TRPC7: variants seen among roughly 807,000 people sequenced by gnomAD.
TRPC7 encodes transient receptor potential cation channel subfamily C member 7.
TRPC7 carries 42 observed loss-of-function variants against 90.1 expected under a neutral mutation model. The ratio of observed to expected loss-of-function variants is 0.47; its 90% CI spans 0.36 to 0.60. TRPC7 has a LOEUF of 0.60. TRPC7 is among the 20% of genes least tolerant of loss of function. The pLI is 0.00. For synonymous variants in TRPC7, 451 were observed against 436.3 expected, an observed-to-expected ratio of 1.03 and a Z score of -0.42; for missense variants, 955 against 1,112.3, an observed-to-expected ratio of 0.86 and a Z score of 2.01.
chr5:136,323,554 G>A lies in TRPC7; in HGVS notation c.781-7775C>T, dbSNP rs1168629997. The stretch of plus-strand genomic sequence containing the variant: ...GGTTGAGGTATCTTTTATTGCACAT[G>A]GATGTTCATTTGTTCCAGCCCCATT... On this transcript the variant is annotated intron_variant, in intron 2 of 11. Transcript: ENST00000513104. Among the ~76,000 whole-genome samples the A allele has an allele frequency of 2.0e-5, 3 of 151,754 alleles. No homozygotes were observed. The East Asian group carries it at 5.8e-4, about 30-fold the overall frequency.
Position 136,295,463 on chromosome 5 carries a change from T to C in TRPC7, c.963+20134A>G, listed in dbSNP as rs1424111668. On this transcript the variant is annotated intron_variant, in intron 3 of 11. Coordinates refer to ENST00000513104, the MANE Select transcript of TRPC7 (RefSeq NM_020389.3). ...CCAGTTCATTGGTCCTTCCCTATCT[T>C]GGGAATTCTGGCTGCCTGCTAGGCA... 5.3e-5 allele frequency among the ~76,000 whole-genome samples: 8 copies of C among 152,278 alleles called. No individual in the cohort carries two copies. In the South Asian group the frequency reaches 8.3e-4, roughly 16 times the overall value.
intron 3 of TRPC7, among the ~76,000 whole-genome samples, chr5:136,284,520 C>T (rs1757648960): frequency 6.6e-6 from 1 of 152,178 alleles, no homozygotes; most frequent in Admixed American, 6.5e-5. Context: ...TCTATGCATC[C>T]ATTCATTCAA....
chr5:136,331,457 G>A (rs1364970120), intron 2 of TRPC7, among the ~76,000 whole-genome samples: 1 of 152,254 alleles, frequency 6.6e-6, no homozygotes, highest in East Asian at 1.9e-4. Context: ...AGAGGAACAC[G>A]TAGATGATAA....
intron 5 of TRPC7, among the ~76,000 whole-genome samples, chr5:136,252,277 C>G (rs191261442): frequency 1.3e-5 from 2 of 152,146 alleles, no homozygotes; most frequent in African/African-American, 4.8e-5. Context: ...AAGGTCCCCC[C>G]ACTCCATGCC....
At chr5:136,302,895 C>T (rs970916616) in intron 3 of TRPC7, among the ~76,000 whole-genome samples, 1 of 152,076 alleles carries the variant, frequency 6.6e-6, no homozygotes, top group African/African-American at 2.4e-5. Flanking sequence ...CCACATGTCC[C>T]CTCAGTCCCA....
chr5:136,216,951 T>TAC (rs1387951105), intron 10 of TRPC7, among the ~76,000 whole-genome samples: 1 of 152,158 alleles, frequency 6.6e-6, no homozygotes, highest in Non-Finnish European at 1.5e-5. Flanking sequence ...ATTATGAAGA[T>TAC]ACTGAATTCG....
chr5:136,247,632 G>A lies in TRPC7; in HGVS notation c.1683C>T (p.Ala561=). The A allele has an allele frequency of 6.2e-7, 1 of 1,613,986 alleles. No individual in the cohort carries two copies. The highest frequency in any genetic ancestry group is 1.3e-5 in the African/African-American group (1 of 75,036). ...SFSRIAYILP[A]NESFGPLQIS... ...TCTGCAGGGGCCCAAAACTCTCGTTGGCTGGCAGAATGTATGCAATGCGAG... is the reference window on the plus strand; with the variant it reads ...TCTGCAGGGGCCCAAAACTCTCGTTAGCTGGCAGAATGTATGCAATGCGAG... The change falls in exon 7 of 12, where the codon GCC becomes GCT. Residue 561 remains alanine, a synonymous_variant. Coordinates refer to ENST00000513104, the MANE Select transcript of TRPC7 (RefSeq NM_020389.3). This position sits in a 1 kb window ranked among gnomAD's most constrained non-coding sequence, Gnocchi z 4.2.
chr5:136,328,397 C>G (rs1273576436), intron 2 of TRPC7, among the ~76,000 whole-genome samples: 1 of 152,192 alleles, frequency 6.6e-6, no homozygotes, highest in East Asian at 1.9e-4. Context: ...AAACATACTC[C>G]CTGCTTTTCC....
At position 136,242,980 on chromosome 5, in the gene TRPC7, G is replaced by A. The variant is rs892902968; in HGVS notation, c.1844+4491C>T. On this transcript the variant is annotated intron_variant, in intron 7 of 11. Coordinates refer to ENST00000513104, the MANE Select transcript of TRPC7 (RefSeq NM_020389.3). ...TCTTCATTGAGGTCTGCCAGATGGAGAAAATGAGAATCTGGGAGTGGCCGG... is the reference window on the plus strand; with the variant it reads ...TCTTCATTGAGGTCTGCCAGATGGAAAAAATGAGAATCTGGGAGTGGCCGG... Among the ~76,000 whole-genome samples, 18 of 152,194 alleles carry A rather than the reference G, an allele frequency of 1.2e-4. 2 individuals are homozygous for A. Among genetic ancestry groups the A allele is most frequent in the Admixed American group, 1.0e-3 (16 of 15,280 alleles).
intron 2 of TRPC7, among the ~76,000 whole-genome samples, chr5:136,331,752 G>A (rs1348515667): frequency 6.6e-6 from 1 of 152,088 alleles, no homozygotes; most frequent in Non-Finnish European, 1.5e-5. Flanking sequence ...GAGTGAGCTG[G>A]GTTATTGCTC....
chr5:136,322,738 G>A (rs1759236907), intron 2 of TRPC7, among the ~76,000 whole-genome samples: 1 of 152,108 alleles, frequency 6.6e-6, no homozygotes, highest in African/African-American at 2.4e-5. Flanking sequence ...GGCTAATAAT[G>A]CTCCACATCT....
chr5:136,347,490 A>G (rs913203486), intron 2 of TRPC7, among the ~76,000 whole-genome samples: 1 of 152,246 alleles, frequency 6.6e-6, no homozygotes, highest in Non-Finnish European at 1.5e-5. Context: ...CTGTACCTTA[A>G]TGAAAAATTT....
intron 10 of TRPC7, among the ~76,000 whole-genome samples, chr5:136,217,008 G>C (rs966975529): frequency 1.3e-5 from 2 of 152,234 alleles, no homozygotes; most frequent in African/African-American, 4.8e-5. Context: ...ACCAAGAATA[G>C]AGCCAAGTGT....
At chr5:136,216,578 G>C (rs1251000699) in intron 10 of TRPC7, among the ~76,000 whole-genome samples, 1 of 95,464 alleles carries the variant, frequency 1.0e-5, no homozygotes, top group Non-Finnish European at 2.2e-5. Flanking sequence ...GTGGGCAGTG[G>C]CACAAATCTC....
intron 4 of TRPC7, 111 bp from the exon 5 acceptor site, chr5:136,266,547 CAG>C (rs1050679837): frequency 2.1e-6 from 2 of 954,830 alleles, no homozygotes; most frequent in Admixed American, 5.1e-5. Flanking sequence ...TCATCTTGGA[CAG>C]AAACTGCTAA....
Position 136,273,038 on chromosome 5 carries a change from G to A in TRPC7, c.1128+1635C>T, listed in dbSNP as rs921290697. On this transcript the variant is annotated intron_variant, in intron 4 of 11. Coordinates refer to ENST00000513104, the MANE Select transcript of TRPC7 (RefSeq NM_020389.3). ...CTCAGAGGCAAGCCAGTTTGCTCCT[G>A]TTGGCAAGTCCCAGGTTCCTGGAAG... 5.9e-5 allele frequency among the ~76,000 whole-genome samples: 9 copies of A among 152,330 alleles called. No individual in the cohort carries two copies. The South Asian group carries it at 1.9e-3, about 32-fold the overall frequency.
intron 2 of TRPC7, among the ~76,000 whole-genome samples, chr5:136,317,886 G>A (rs1001615798): frequency 6.6e-6 from 1 of 152,198 alleles, no homozygotes. Flanking sequence ...ACATATCTGG[G>A]TTCAGTGCAG....
At chr5:136,347,700 T>C (rs1166791034) in intron 2 of TRPC7, among the ~76,000 whole-genome samples, 1 of 152,186 alleles carries the variant, frequency 6.6e-6, no homozygotes, top group Non-Finnish European at 1.5e-5. Context: ...CAATTTTCCA[T>C]CAAAGATCAA....
intron 5 of TRPC7, among the ~76,000 whole-genome samples, chr5:136,253,826 A>G (rs913847931): frequency 2.6e-5 from 4 of 152,252 alleles, no homozygotes; most frequent in African/African-American, 7.2e-5. Context: ...AAAGCTACAA[A>G]TGATTAAGGT....
Sources: allele counts gnomAD v4.1 joint callset (sites outside exome capture counted in the v4.1 genomes callset), GRCh38; gene constraint gnomAD v4.1.1; non-coding constraint Gnocchi (gnomAD v3.1); transcripts MANE v1.5; gene names NCBI Gene and HGNC (gene_info 2026-07-23, HGNC 2026-07-21).